The following ZNF582 variants were observed in gnomAD, a reference collection of about 807,000 sequenced individuals.
ZNF582 encodes the protein zinc finger protein 582.
ZNF582 carries 14 observed loss-of-function variants against 12.3 expected under a neutral mutation model. That is an observed-to-expected ratio of 1.14 (90% CI 0.75 to 1.78). The LOEUF is 1.78. Ranked by LOEUF, ZNF582 falls within the 40% of genes most tolerant of loss-of-function variation. ZNF582 has a pLI of 0.00. For missense variants in ZNF582, 567 were observed against 616.5 expected (o/e 0.92, Z 0.85); for synonymous variants, 210 against 207.2 (o/e 1.01, Z -0.11).
rs1028179824 is a variant in ZNF582, at chr19:56,393,210, G to A, written c.-81+10C>T. On this transcript the variant is annotated intron_variant, in intron 1 of 4. Transcript: ENST00000586929. ...CAATTTCAGGGGGTCGGAGACCCCT[G>A]CGCACCCACCTAAGGGGTCCATGCA... 2 of 1,263,704 alleles carry A rather than the reference G, an allele frequency of 1.6e-6. No homozygotes were observed. The highest frequency in any genetic ancestry group is 2.0e-6 in the Non-Finnish European group (2 of 982,192). The allele number at this position is 1,263,704 out of a possible 1,614,324, so 78.3% of individuals were successfully genotyped here. A position where few individuals can be genotyped will look rare whatever the true frequency, so the allele number is the denominator to read the frequency against.
At chr19:56,387,846 T>G (rs564201235) in intron 4 of ZNF582, 8 of 152,374 alleles carry the variant, frequency 5.3e-5, no homozygotes, top group African/African-American at 1.9e-4. Flanking sequence ...CACATCCTTA[T>G]GTTCTTCGAC....
exon 5 of ZNF582, chr19:56,384,847 T>G (rs1568783552): frequency 1.2e-5 from 19 of 1,607,192 alleles, no homozygotes; most frequent in Non-Finnish European, 1.5e-5. Context: ...TATAAATTCC[T>G]TGATGATTAA....
chr19:56,387,421 T>C lies in ZNF582; in HGVS notation c.233-2237A>G, dbSNP rs141972705. 6.6e-5 allele frequency: 10 copies of C among 152,352 alleles called. No individual in the cohort carries two copies. In the Middle Eastern group the frequency reaches 0.01, roughly 155 times the overall value. The allele number at this position is 152,352 out of a possible 1,614,324, so 9.4% of individuals were successfully genotyped here. On this transcript the variant is annotated intron_variant, in intron 4 of 4. Coordinates refer to ENST00000586929, the Ensembl canonical transcript of ZNF582. ...AATTCTGTCAGCATGTCACATTTAT[T>C]GTAATCAACAGTAACTGGATGTTTC... is the stretch of plus-strand genomic sequence containing the variant.
intron 3 of ZNF582, 65 bp downstream of exon 3, chr19:56,390,310 A>C: frequency 6.2e-7 from 1 of 1,608,072 alleles, no homozygotes; most frequent in Non-Finnish European, 8.5e-7. Context: ...AAAAGCACCC[A>C]AAAACTGACC....
At chr19:56,391,174 A>G (rs1219526908) in intron 2 of ZNF582, among the ~76,000 whole-genome samples, 1 of 152,164 alleles carries the variant, frequency 6.6e-6, no homozygotes, top group Non-Finnish European at 1.5e-5. Context: ...TCACCCACCT[A>G]GATGATCATC....
In ZNF582 at chr19:56,384,726, C is replaced by A; in HGVS notation, c.691G>T (p.Glu231Ter). Residue 231 changes from glutamate (E) to a stop codon, truncating the protein, a stop_gained, in exon 5 of 5, where the codon GAA (glutamate) becomes TAA (stop). Transcript: ENST00000586929. LOFTEE classifies it low-confidence loss of function (END_TRUNC). ...CCAGAATTGAAGGCCTTTCCACATT[C>A]CTTACATTCATATGGTTTCTTACCA... The A allele has an allele frequency of 6.2e-7, 1 of 1,610,612 alleles. No homozygotes were observed. The highest frequency in any genetic ancestry group is 8.5e-7 in the Non-Finnish European group (1 of 1,178,426).
At chr19:56,382,831 C>T (rs1457537445) in exon 5 of ZNF582, 1 of 152,144 alleles carries the variant, frequency 6.6e-6, no homozygotes, top group Non-Finnish European at 1.5e-5. Context: ...GTAGCTGAGT[C>T]TTCTCAGGCT....
At chr19:56,392,538 G>A (rs562790837) in intron 1 of ZNF582, among the ~76,000 whole-genome samples, 1 of 152,348 alleles carries the variant, frequency 6.6e-6, no homozygotes, top group Admixed American at 6.5e-5. Context: ...ACGTAAGTAG[G>A]CAAGTCCACA....
chr19:56,382,803 A>T (rs2041928725), exon 5 of ZNF582: 1 of 152,220 alleles, frequency 6.6e-6, no homozygotes, highest in African/African-American at 2.4e-5. Context: ...TCAAAAAGGC[A>T]GTTCCAGAAT....
chr19:56,390,335 C>A (rs1196655819), intron 3 of ZNF582, 40 bp downstream of exon 3: 1 of 1,613,384 alleles, frequency 6.2e-7, no homozygotes, highest in Admixed American at 1.7e-5. Flanking sequence ...AGGAACATGC[C>A]CAAGGATAAC....
chr19:56,385,098 T>C lies in ZNF582; in HGVS notation c.319A>G (p.Ser107Gly), dbSNP rs1288972926. 6.2e-6 allele frequency: 10 copies of C among 1,614,010 alleles called. No homozygotes were observed. The East Asian group carries it at 2.2e-4, about 36-fold the overall frequency. ...CACTCAAGACCATAACTTGTAAGGCTTTCCATTATCTCCCATTGGGGTGAT... is the reference window on the plus strand; with the variant it reads ...CACTCAAGACCATAACTTGTAAGGCCTTCCATTATCTCCCATTGGGGTGAT... Residue 107 changes from serine (S) to glycine (G), a missense_variant, in exon 5 of 5, where the codon AGC becomes GGC. By Grantham distance (56) the Ser-to-Gly change is moderately conservative. Transcript: ENST00000586929.
intron 2 of ZNF582, among the ~76,000 whole-genome samples, chr19:56,391,326 A>G (rs1479030941): frequency 6.6e-6 from 1 of 152,208 alleles, no homozygotes; most frequent in East Asian, 1.9e-4. Context: ...TTTTTGATGG[A>G]TTCCCAGCCA....
At chr19:56,391,915 G>A in intron 1 of ZNF582, 83 bp from the exon 2 acceptor site, 2 of 1,159,728 alleles carry the variant, frequency 1.7e-6, no homozygotes, top group Non-Finnish European at 2.5e-6. Context: ...CCACCTGCTT[G>A]CCCTCTGCCC....
At chr19:56,388,046 C>T (rs557497822) in intron 4 of ZNF582, among the ~76,000 whole-genome samples, 33 of 151,724 alleles carry the variant, frequency 2.2e-4, no homozygotes, top group African/African-American at 4.4e-4. Context: ...TTTATGTACA[C>T]GGATGTCAAT....
chr19:56,384,394 ACATT>A lies in ZNF582; in HGVS notation c.1019_1022del (p.Glu340ValfsTer38). ...GATTAAAAGCCTTCCCACATTCCTT[ACATT>A]CATAGAGTTTCCTGCCAGTATGAAC... On this transcript the variant is annotated frameshift_variant, in exon 5 of 5. Coordinates refer to ENST00000586929, the Ensembl canonical transcript of ZNF582. LOFTEE classifies it low-confidence loss of function (END_TRUNC). The A allele has an allele frequency of 1.2e-6, 2 of 1,605,100 alleles. No homozygotes were observed. Among genetic ancestry groups the A allele is most frequent in the South Asian group, 2.2e-5 (2 of 89,708 alleles).
chr19:56,385,094 A>G (rs1295095221), exon 5 of ZNF582: 2 of 1,614,082 alleles, frequency 1.2e-6, no homozygotes, highest in Non-Finnish European at 1.7e-6. Flanking sequence ...ATAACTTGTA[A>G]GGCTTTCCAT....
chr19:56,384,358 A>G, exon 5 of ZNF582: 1 of 1,608,076 alleles, frequency 6.2e-7, no homozygotes, highest in Non-Finnish European at 8.5e-7. Flanking sequence ...GTCGTATAAG[A>G]GTTGAGCCTT....
chr19:56,385,253 C>G (rs2041956805), intron 4 of ZNF582, 69 bp from the exon 5 acceptor site: 1 of 1,476,464 alleles, frequency 6.8e-7, no homozygotes. Context: ...AAAATAAGAA[C>G]TGGAGGGTTT....
At chr19:56,390,229 A>G in intron 3 of ZNF582, 133 bp from the exon 4 acceptor site, 1 of 1,356,464 alleles carries the variant, frequency 7.4e-7, no homozygotes, top group Non-Finnish European at 1.0e-6. Context: ...GCCTGGGGGT[A>G]GGGGGATGCA....
Sources: gnomAD v4.1 joint callset for allele counts (sites outside exome capture counted in the v4.1 genomes callset) on GRCh38, gnomAD v4.1.1 for gene constraint, MANE v1.5 for transcripts, NCBI Gene and HGNC (gene_info 2026-07-23, HGNC 2026-07-21) for gene names.